The following ZDHHC11B variants were observed in gnomAD, a reference collection of about 807,000 sequenced individuals.
ZDHHC11B encodes the protein zDHHC palmitoyltransferase 11B (putative).
A neutral mutation model predicts 42.3 loss-of-function variants in ZDHHC11B; 17 were observed. The ratio of observed to expected loss-of-function variants is 0.40; its 90% confidence interval spans 0.27 to 0.60. The LOEUF is 0.60. ZDHHC11B is among the 20% of genes least tolerant of loss of function. The probability of loss-of-function intolerance (pLI) is 0.41; values close to 1 mark genes in which losing one functional copy is unlikely to be tolerated. For synonymous variants in ZDHHC11B, 123 were observed against 193.5 expected (o/e 0.64, Z 3.02); for missense variants, 262 against 463.2 (o/e 0.57, Z 3.99).
chr5:779,070 T>C (rs1243645501), intron 1 of ZDHHC11B, among the ~76,000 whole-genome samples: 1 of 151,244 alleles, frequency 6.6e-6, no homozygotes, highest in Non-Finnish European at 1.5e-5. Flanking sequence ...CTGTGAGAAG[T>C]GAACATATCA....
Position 766,774 on chromosome 5 carries a change from A to G in ZDHHC11B, c.146T>C (p.Phe49Ser). ...GAAGGTGGCCAAGGAAAGGCCAACGAAGACAGCCCAAGTCACCACCCGGAA... is the reference window on the plus strand; with the variant it reads ...GAAGGTGGCCAAGGAAAGGCCAACGGAGACAGCCCAAGTCACCACCCGGAA... The part of the protein sequence containing the change: ...HYFRVVTWAV[F>S]VGLSLATFRI... The change falls in exon 4 of 14, where the codon TTC becomes TCC. Residue 49 changes from phenylalanine to serine, a missense_variant. By Grantham distance (155) the Phe-to-Ser change is radical. This residue lies in a region of ZDHHC11B where 97 missense variants were observed against 98.1 expected (regional missense o/e 0.99). Transcript: ENST00000508859. 6.2e-7 allele frequency: 1 copy of G among 1,612,584 alleles called. No homozygotes were observed. The highest frequency in any genetic ancestry group is 2.2e-5 in the East Asian group (1 of 44,856).
At chr5:780,425 GCTC>G (rs1301851196) in intron 1 of ZDHHC11B, among the ~76,000 whole-genome samples, 2 of 151,286 alleles carry the variant, frequency 1.3e-5, no homozygotes, top group African/African-American at 4.9e-5. Context: ...AGCACCTGGG[GCTC>G]CTCGACGCAG....
chr5:776,826 CCCATT>C (rs1736538181), intron 1 of ZDHHC11B, among the ~76,000 whole-genome samples: 2 of 151,812 alleles, frequency 1.3e-5, no homozygotes, highest in African/African-American at 4.8e-5. Context: ...TATTTCAGAG[CCCATT>C]TGGGTGCAGC....
chr5:772,401 A>G, intron 1 of ZDHHC11B, among the ~76,000 whole-genome samples: 1 of 150,470 alleles, frequency 6.6e-6, no homozygotes, highest in East Asian at 2.0e-4. Context: ...TCTACTGAAG[A>G]CAGACACTGC....
intron 13 of ZDHHC11B, among the ~76,000 whole-genome samples, chr5:715,467 G>A (rs1384286410): frequency 1.3e-4 from 20 of 150,084 alleles, no homozygotes; most frequent in Non-Finnish European, 2.2e-4. Flanking sequence ...CCATACCACT[G>A]AGACAATTTT....
chr5:756,237 C>A (rs1425999281), intron 4 of ZDHHC11B, 93 bp from the exon 5 acceptor site: 2 of 1,522,742 alleles, frequency 1.3e-6, no homozygotes, highest in East Asian at 2.4e-5. Flanking sequence ...GGCGTGGCCA[C>A]TGGTCAGCCC....
At chr5:775,345 G>A (rs542779755) in intron 1 of ZDHHC11B, among the ~76,000 whole-genome samples, 1 of 152,044 alleles carries the variant, frequency 6.6e-6, no homozygotes, top group Non-Finnish European at 1.5e-5. Flanking sequence ...CCTCATCCTT[G>A]AAGGGGTGCA....
chr5:720,850 C>T (rs1279385725), intron 12 of ZDHHC11B, among the ~76,000 whole-genome samples: 1 of 151,562 alleles, frequency 6.6e-6, no homozygotes, highest in African/African-American at 2.4e-5. Context: ...GTGGCTTACT[C>T]CTGTAATCCT....
At chr5:752,680 T>C (rs1318911859) in intron 6 of ZDHHC11B, among the ~76,000 whole-genome samples, 1 of 96,942 alleles carries the variant, frequency 1.0e-5, no homozygotes, top group East Asian at 4.2e-4. Context: ...TTCTGGATAA[T>C]CCAGGGGTGA....
intron 1 of ZDHHC11B, among the ~76,000 whole-genome samples, chr5:783,339 C>G (rs1736995457): frequency 6.6e-6 from 1 of 152,290 alleles, no homozygotes; most frequent in Non-Finnish European, 1.5e-5. Context: ...CTGCAGCTGC[C>G]TCACTCCCCT....
Position 750,759 on chromosome 5 carries a change from G to C in ZDHHC11B, c.628+374C>G, listed in dbSNP as rs1193781830. Among the ~76,000 whole-genome samples, 7 of 128,930 alleles carry C rather than the reference G, an allele frequency of 5.4e-5. 2 individuals carry two copies. The highest frequency in any genetic ancestry group is 1.8e-4 in the African/African-American group (7 of 39,168). 84.6% of individuals were successfully genotyped at this position (128,930 alleles called of 152,430 possible). A position where few individuals can be genotyped will look rare whatever the true frequency, so the allele number is the denominator to read the frequency against. On this transcript the variant is annotated intron_variant, in intron 7 of 13. Transcript: ENST00000508859. The stretch of plus-strand genomic sequence containing the variant: ...CCTCCACTCTCCCTCCCCATGGGCT[G>C]CTCCTGCAGGATGGGCACCCCCACC...
At chr5:736,306 C>T (rs1251659913) in intron 10 of ZDHHC11B, among the ~76,000 whole-genome samples, 1 of 149,648 alleles carries the variant, frequency 6.7e-6, no homozygotes, top group Non-Finnish European at 1.5e-5. Flanking sequence ...ACGAGGAACC[C>T]CCCAAATTTA....
chr5:744,333 T>C (rs1328839085), intron 9 of ZDHHC11B, among the ~76,000 whole-genome samples: 1 of 149,586 alleles, frequency 6.7e-6, no homozygotes, highest in Non-Finnish European at 1.5e-5. Context: ...AGTTGGGAAG[T>C]GTTGCTTCCT....
intron 10 of ZDHHC11B, among the ~76,000 whole-genome samples, 193 bp downstream of exon 10, chr5:741,401 C>G (rs1418153519): frequency 6.8e-6 from 1 of 147,746 alleles, no homozygotes; most frequent in Non-Finnish European, 1.5e-5. Flanking sequence ...GCAAGTAAGA[C>G]AAGCACATCG....
intron 11 of ZDHHC11B, chr5:732,817 C>T (rs1269914240): frequency 3.9e-6 from 1 of 255,592 alleles, no homozygotes; most frequent in Non-Finnish European, 7.9e-6. Flanking sequence ...TTCCCCTGAG[C>T]CTGGGGAATC....
rs778099053 is a variant in ZDHHC11B, at chr5:731,655, A to T, written c.1024-1187T>A. Among the ~76,000 whole-genome samples the T allele has an allele frequency of 8.6e-5, 13 of 151,958 alleles. 1 individual carries two copies. The highest frequency in any genetic ancestry group is 1.6e-4 in the Non-Finnish European group (11 of 68,030). On this transcript the variant is annotated intron_variant, in intron 11 of 13. Coordinates refer to ENST00000508859, the MANE Select transcript of ZDHHC11B (RefSeq NM_001351303.2). The stretch of plus-strand genomic sequence containing the variant: ...AATATTTTATTTCAGCCTGTGGCTG[A>T]TATTTTCATTCTTTTACTGGTGACA...
Position 745,422 on chromosome 5 carries a change from C to T in ZDHHC11B, c.785-124G>A, listed in dbSNP as rs1401909751. 1.3e-4 allele frequency: 110 copies of T among 837,590 alleles called. 2 individuals carry two copies. The highest frequency in any genetic ancestry group is 2.3e-4 in the Middle Eastern group (1 of 4,372). The allele number at this position is 837,590 out of a possible 1,614,324, so 51.9% of individuals were successfully genotyped here. A position where few individuals can be genotyped will look rare whatever the true frequency, so the allele number is the denominator to read the frequency against. On this transcript the variant is annotated intron_variant, in intron 8 of 13. Transcript: ENST00000508859. Reference sequence around the variant, plus strand: ...GGCCCCTGCACAGGGAGAACTGCTCCGCCCACCATGCAGGCCCTGTGAGGT... The same window carrying T: ...GGCCCCTGCACAGGGAGAACTGCTCTGCCCACCATGCAGGCCCTGTGAGGT...
At chr5:752,542 T>C (rs1745911577) in intron 6 of ZDHHC11B, among the ~76,000 whole-genome samples, 2 of 87,538 alleles carry the variant, frequency 2.3e-5, no homozygotes, top group African/African-American at 6.3e-5. Context: ...TTGTATTATG[T>C]TCACCTAAGC....
At chr5:749,756 T>C (rs1745359677) in intron 7 of ZDHHC11B, among the ~76,000 whole-genome samples, 1 of 130,712 alleles carries the variant, frequency 7.7e-6, no homozygotes. Flanking sequence ...ACCTCTGCTC[T>C]CTCACTCTCC....
Sources: allele counts gnomAD v4.1 joint callset (sites outside exome capture counted in the v4.1 genomes callset), GRCh38; gene constraint gnomAD v4.1.1; regional missense constraint gnomAD v4.1.1; transcripts MANE v1.5; gene names NCBI Gene and HGNC (gene_info 2026-07-23, HGNC 2026-07-21).